The following SEMA6D variants were observed in gnomAD, a reference collection of about 807,000 sequenced individuals.
The protein encoded by SEMA6D is semaphorin 6D, also known as semaphorin-6D.
SEMA6D carries 35 observed loss-of-function variants against 106.6 expected under a neutral mutation model. That is an observed-to-expected ratio of 0.33 (90% CI 0.25 to 0.44). The LOEUF (loss-of-function observed/expected upper bound fraction) is 0.44. Among genes scored for constraint, SEMA6D ranks in the 20% least tolerant of loss-of-function variants. The pLI is 1.00. For synonymous variants in SEMA6D, 499 were observed against 487.7 expected (o/e 1.02, Z -0.31); for missense variants, 1,185 against 1,345.9 (o/e 0.88, Z 1.87).
chr15:47,520,749 G>C (rs571389985), intron 3 of SEMA6D, among the ~76,000 whole-genome samples: 3 of 152,222 alleles, frequency 2.0e-5, no homozygotes, highest in African/African-American at 7.2e-5. Context: ...AAATAATGGG[G>C]GATTACAATG....
chr15:47,480,723 T>C (rs776895931), intron 3 of SEMA6D, among the ~76,000 whole-genome samples: 2 of 152,210 alleles, frequency 1.3e-5, no homozygotes, highest in African/African-American at 2.4e-5. Context: ...TATTTATTCT[T>C]AGACCCATCT....
At chr15:47,443,812 T>A (rs982241892) in intron 2 of SEMA6D, among the ~76,000 whole-genome samples, 3 of 152,096 alleles carry the variant, frequency 2.0e-5, no homozygotes, top group Non-Finnish European at 4.4e-5. Context: ...GAAAAAGATA[T>A]CAGGCTGTTT....
intron 4 of SEMA6D, among the ~76,000 whole-genome samples, chr15:47,690,684 G>A (rs2078566955): frequency 6.6e-6 from 1 of 152,136 alleles, no homozygotes; most frequent in African/African-American, 2.4e-5. Flanking sequence ...AATTTATGCA[G>A]AGTCCCCAAC....
At chr15:47,697,510 A>G (rs1733806155) in intron 4 of SEMA6D, among the ~76,000 whole-genome samples, 1 of 152,126 alleles carries the variant, frequency 6.6e-6, no homozygotes, top group South Asian at 2.1e-4. Flanking sequence ...TTGAATATTG[A>G]CTAGTACTTA....
intron 1 of SEMA6D, among the ~76,000 whole-genome samples, chr15:47,268,068 A>C (rs1397859029): frequency 2.0e-5 from 3 of 152,158 alleles, no homozygotes; most frequent in Non-Finnish European, 4.4e-5. Flanking sequence ...GACCCCACCC[A>C]AGACCTACTG....
intron 1 of SEMA6D, among the ~76,000 whole-genome samples, chr15:47,377,141 T>C (rs2039476775): frequency 6.6e-6 from 1 of 152,204 alleles, no homozygotes; most frequent in African/African-American, 2.4e-5. Context: ...AATTATTAAA[T>C]TTTAAATGAG....
At chr15:47,267,778 G>A (rs557891377) in intron 1 of SEMA6D, among the ~76,000 whole-genome samples, 20 of 152,052 alleles carry the variant, frequency 1.3e-4, no homozygotes, top group African/African-American at 4.6e-4. Flanking sequence ...TTCTTATTAA[G>A]TTCTAGAGCA....
At chr15:47,734,193 TC>T (rs1351484933) in intron 1 of SEMA6D, among the ~76,000 whole-genome samples, 1 of 152,234 alleles carries the variant, frequency 6.6e-6, no homozygotes, top group Non-Finnish European at 1.5e-5. Context: ...ATTTTTAAGA[TC>T]CCTCTAGGTA....
intron 1 of SEMA6D, chr15:47,730,300 A>C: frequency 6.5e-7 from 1 of 1,529,272 alleles, no homozygotes; most frequent in Non-Finnish European, 8.9e-7. Flanking sequence ...GCTTAGCCAA[A>C]GCGCCTTTGT....
At chr15:47,268,423 G>A (rs1486992326) in intron 1 of SEMA6D, among the ~76,000 whole-genome samples, 1 of 152,024 alleles carries the variant, frequency 6.6e-6, no homozygotes, top group Non-Finnish European at 1.5e-5. Context: ...ACCCAACAAG[G>A]GATATTGCTT....
chr15:47,207,991 GCGCACACACACACACACACACA>G (rs1226804013), intron 1 of SEMA6D, among the ~76,000 whole-genome samples: 1,936 of 122,984 alleles, frequency 0.016, 30 homozygotes, highest in Non-Finnish European at 0.023. Context: ...ACTGGCGCGC[GCGCACACACACACACACACACA>G]CACACACACA....
At chr15:47,535,238 G>T (rs1225432089) in intron 3 of SEMA6D, among the ~76,000 whole-genome samples, 1 of 152,126 alleles carries the variant, frequency 6.6e-6, no homozygotes, top group Non-Finnish European at 1.5e-5. Context: ...TGTGTACCCG[G>T]TGCTGCTCTA....
intron 1 of SEMA6D, among the ~76,000 whole-genome samples, chr15:47,754,787 T>A (rs568788249): frequency 2.8e-4 from 40 of 143,328 alleles, no homozygotes; most frequent in African/African-American, 9.7e-4. Context: ...CTGTGTCTCT[T>A]ACTCTCTTGT....
At chr15:47,580,238 T>G (rs1386575325) in intron 3 of SEMA6D, among the ~76,000 whole-genome samples, 1 of 152,168 alleles carries the variant, frequency 6.6e-6, no homozygotes, top group Non-Finnish European at 1.5e-5. Context: ...TTGAGGTTCC[T>G]TTCTTCCTAA....
intron 3 of SEMA6D, among the ~76,000 whole-genome samples, chr15:47,536,859 A>G (rs1293447106): frequency 6.6e-6 from 1 of 152,220 alleles, no homozygotes; most frequent in Non-Finnish European, 1.5e-5. Context: ...AACTCACCCA[A>G]GCCATCACTG....
At chr15:47,286,741 T>G (rs1235160987) in intron 1 of SEMA6D, among the ~76,000 whole-genome samples, 1 of 152,166 alleles carries the variant, frequency 6.6e-6, no homozygotes, top group Non-Finnish European at 1.5e-5. Flanking sequence ...TTCTAATCTC[T>G]CACTTTGAAA....
At position 47,771,312 on chromosome 15, in the gene SEMA6D, G is replaced by C. The variant is rs773369692; in HGVS notation, c.2749G>C (p.Glu917Gln). ...LMLDPMGSMSEVPPKVPNREA... is the reference protein window; with the variant it reads ...LMLDPMGSMSQVPPKVPNREA... ...GCTGGATCCCATGGGATCGATGTCT[G>C]AGGTCCCACCTAAAGTCCCTAACCG... The change falls in exon 19 of 19, where the codon GAG (glutamate) becomes CAG (glutamine). Residue 917 changes from glutamate to glutamine, a missense_variant. Physicochemically the swap from Glu to Gln is conservative, Grantham distance 29 (BLOSUM62 2). This residue lies in a region of SEMA6D where 750 missense variants were observed against 783.5 expected (regional missense o/e 0.96). Transcript: ENST00000536845. 6.2e-7 allele frequency: 1 copy of C among 1,613,986 alleles called. No homozygotes were observed.
intron 4 of SEMA6D, among the ~76,000 whole-genome samples, chr15:47,611,915 A>T (rs1309557225): frequency 6.6e-6 from 1 of 152,238 alleles, no homozygotes; most frequent in Non-Finnish European, 1.5e-5. Flanking sequence ...GAACTGCTTA[A>T]CAGTGGCATT....
intron 4 of SEMA6D, among the ~76,000 whole-genome samples, chr15:47,687,066 C>CAAAAAA (rs369941348): frequency 2.5e-5 from 3 of 121,036 alleles, no homozygotes; most frequent in African/African-American, 9.9e-5. Context: ...ACCCTGTATC[C>CAAAAAA]AAAAAAAAAA....
Sources: gnomAD v4.1 joint callset for allele counts (sites outside exome capture counted in the v4.1 genomes callset) on GRCh38, gnomAD v4.1.1 for gene constraint, gnomAD v4.1.1 regional missense constraint, MANE v1.5 for transcripts, NCBI Gene and HGNC (gene_info 2026-07-23, HGNC 2026-07-21) for gene names.